MYH10: variants seen among roughly 807,000 people sequenced by gnomAD.
The protein encoded by MYH10 is myosin-10.
In MYH10, 55 loss-of-function variants were observed where a neutral mutation model predicts 257.8. The ratio of observed to expected loss-of-function variants is 0.21; its 90% CI spans 0.17 to 0.27. MYH10 has a LOEUF of 0.27. MYH10 is among the 10% of genes least tolerant of loss of function. MYH10 has a pLI of 1.00. For missense variants in MYH10, 1,631 were observed against 2,500.6 expected, an observed-to-expected ratio of 0.65 and a Z score of 7.42; for synonymous variants, 854 against 921.7, an observed-to-expected ratio of 0.93 and a Z score of 1.33.
intron 1 of MYH10, among the ~76,000 whole-genome samples, chr17:8,626,408 A>G (rs764691801): frequency 8.4e-4 from 128 of 152,100 alleles, no homozygotes; most frequent in Non-Finnish European, 1.5e-3. Context: ...TCTACAAAAA[A>G]TACAAAAAAT....
Position 8,490,620 on chromosome 17 carries a change from C to T in MYH10, c.4672-68G>A. ...GCACATATGAAGAACAGCAGTCTTA[C>T]TGTTTTACAGGCCCACTCGTGGCAT... On this transcript the variant is annotated intron_variant, in intron 34 of 42. Coordinates refer to ENST00000360416, the MANE Select transcript of MYH10 (RefSeq NM_001256012.3). The surrounding 1 kb of genome is among the most constrained non-coding windows in gnomAD (Gnocchi z 4.1). 1.3e-6 allele frequency: 2 copies of T among 1,526,772 alleles called. No individual in the cohort carries two copies. The highest frequency in any genetic ancestry group is 2.3e-5 in the South Asian group (2 of 88,698). The allele number at this position is 1,526,772 out of a possible 1,614,324, so 94.6% of individuals were successfully genotyped here. A position where few individuals can be genotyped will look rare whatever the true frequency, so the allele number is the denominator to read the frequency against.
chr17:8,577,106 G>C, intron 5 of MYH10, 130 bp downstream of exon 5: 1 of 616,272 alleles, frequency 1.6e-6, no homozygotes, highest in East Asian at 2.8e-5. Flanking sequence ...CTGGGTAGGT[G>C]GCGGGGAGCA....
At chr17:8,487,005 T>G (rs1302486740) in intron 36 of MYH10, among the ~76,000 whole-genome samples, 2 of 152,218 alleles carry the variant, frequency 1.3e-5, no homozygotes, top group Non-Finnish European at 2.9e-5. Flanking sequence ...CCTGCCTGCC[T>G]GCTCACACCA....
intron 7 of MYH10, among the ~76,000 whole-genome samples, chr17:8,564,937 G>A (rs574423700): frequency 6.6e-6 from 1 of 152,262 alleles, no homozygotes; most frequent in African/African-American, 2.4e-5. Context: ...AAGAAATGTG[G>A]ACAGATCTGA....
chr17:8,556,747 G>A (rs184305952), intron 7 of MYH10, among the ~76,000 whole-genome samples: 1 of 152,194 alleles, frequency 6.6e-6, no homozygotes, highest in East Asian at 1.9e-4. Flanking sequence ...CACTGAAAAA[G>A]GTGAATTTTA....
At position 8,492,803 on chromosome 17, in the gene MYH10, C is replaced by T. The variant is rs1304374206; in HGVS notation, c.4431G>A (p.Leu1477=). ...GGTCAAACTTCTTCTGCTTCTTCTC[C>T]AAGTTGGAGGCGACCTGGCGCTGGT... The part of the protein sequence containing the change: ...LDHQRQVASN[L]EKKQKKFDQL... Residue 1477 remains leucine (L), a synonymous_variant, in exon 33 of 43, where the codon TTG becomes TTA. Transcript: ENST00000360416. 3 of 1,613,768 alleles carry T rather than the reference C, an allele frequency of 1.9e-6. No individual in the cohort carries two copies. Among genetic ancestry groups the T allele is most frequent in the East Asian group, 2.2e-5 (1 of 44,892 alleles).
Position 8,554,597 on chromosome 17 carries a change from T to G in MYH10, c.757-579A>C, listed in dbSNP as rs143000235. 8.5e-3 allele frequency among the ~76,000 whole-genome samples: 1,290 copies of G among 152,158 alleles called. 21 individuals carry two copies. The highest frequency in any genetic ancestry group is 0.029 in the African/African-American group (1,183 of 41,492). On this transcript the variant is annotated intron_variant, in intron 7 of 42. Coordinates refer to ENST00000360416, the MANE Select transcript of MYH10 (RefSeq NM_001256012.3). ...AGGGAAAGAGGAAAATCGTGATTAT[T>G]TCATCATTCATTTTATAAAGTTGTC...
chr17:8,541,863 A>G (rs2082299132), intron 14 of MYH10, among the ~76,000 whole-genome samples: 1 of 152,210 alleles, frequency 6.6e-6, no homozygotes, highest in Admixed American at 6.5e-5. Context: ...CCCACTATCC[A>G]GTATTCCCAT....
At chr17:8,513,506 C>T in intron 23 of MYH10, 32 bp downstream of exon 23, 1 of 1,612,076 alleles carries the variant, frequency 6.2e-7, no homozygotes, top group Non-Finnish European at 8.5e-7. Flanking sequence ...GGATTCAGGG[C>T]CAAGTGTGAG....
At chr17:8,522,309 A>G (rs901414902) in intron 17 of MYH10, among the ~76,000 whole-genome samples, 2 of 152,222 alleles carry the variant, frequency 1.3e-5, no homozygotes, top group African/African-American at 4.8e-5. Flanking sequence ...TCAATTATCA[A>G]TTTCCAATGA....
rs1003409566 is a variant in MYH10, at chr17:8,569,345, T to C, written c.756+375A>G. Among the ~76,000 whole-genome samples, 2 of 152,212 alleles carry C rather than the reference T, an allele frequency of 1.3e-5. No homozygotes were observed. Among genetic ancestry groups the C allele is most frequent in the African/African-American group, 4.8e-5 (2 of 41,454 alleles). Reference sequence around the variant, plus strand: ...CACATCTAATGCGTTGAATGTTTACTATGCATAGTGCCGGGCTAAGTGCTC... The same window carrying C: ...CACATCTAATGCGTTGAATGTTTACCATGCATAGTGCCGGGCTAAGTGCTC... On this transcript the variant is annotated intron_variant, in intron 7 of 42. Coordinates refer to ENST00000360416, the MANE Select transcript of MYH10 (RefSeq NM_001256012.3). This position sits in a 1 kb window ranked among gnomAD's most constrained non-coding sequence, Gnocchi z 4.1.
chr17:8,494,331 T>C (rs1231037159), intron 31 of MYH10, among the ~76,000 whole-genome samples: 4 of 152,218 alleles, frequency 2.6e-5, no homozygotes, highest in African/African-American at 7.2e-5. Flanking sequence ...CAGATTGACT[T>C]CTAAAATGTA....
At chr17:8,551,809 T>A (rs912613638) in intron 9 of MYH10, among the ~76,000 whole-genome samples, 6 of 152,116 alleles carry the variant, frequency 3.9e-5, no homozygotes, top group Admixed American at 6.5e-5. Context: ...ATTTAAAAAA[T>A]TTTAAAAAAG....
At chr17:8,615,734 C>A (rs1418703063) in intron 2 of MYH10, among the ~76,000 whole-genome samples, 1 of 152,090 alleles carries the variant, frequency 6.6e-6, no homozygotes, top group Admixed American at 6.5e-5. Flanking sequence ...AATTAACATT[C>A]ATTAATTTTT....
intron 7 of MYH10, among the ~76,000 whole-genome samples, chr17:8,557,449 GGT>G (rs1157002705): frequency 6.6e-6 from 1 of 152,134 alleles, no homozygotes; most frequent in Non-Finnish European, 1.5e-5. Flanking sequence ...TTCTATCTCA[GGT>G]GTGTGTCAAG....
At chr17:8,549,903 C>T (rs946997890) in intron 9 of MYH10, among the ~76,000 whole-genome samples, 7 of 149,090 alleles carry the variant, frequency 4.7e-5, no homozygotes, top group African/African-American at 1.7e-4. Context: ...TTGGCCAGGC[C>T]GGTCTCCAGC....
intron 4 of MYH10, among the ~76,000 whole-genome samples, chr17:8,581,011 G>C (rs2083685274): frequency 6.6e-6 from 1 of 152,132 alleles, no homozygotes; most frequent in Non-Finnish European, 1.5e-5. Context: ...AAGAGCTGGG[G>C]AATGTGTTCA....
chr17:8,520,109 T>C (rs2081605269), intron 19 of MYH10, among the ~76,000 whole-genome samples: 1 of 152,182 alleles, frequency 6.6e-6, no homozygotes, highest in African/African-American at 2.4e-5. Flanking sequence ...TACCCCAACA[T>C]GTTTTTAGGA....
At chr17:8,539,198 T>C (rs2082226878) in intron 14 of MYH10, among the ~76,000 whole-genome samples, 1 of 152,218 alleles carries the variant, frequency 6.6e-6, no homozygotes, top group Non-Finnish European at 1.5e-5. Flanking sequence ...CTTTTCTTTA[T>C]AAATTACTCC....
Sources: allele counts gnomAD v4.1 joint callset (sites outside exome capture counted in the v4.1 genomes callset), GRCh38; gene constraint gnomAD v4.1.1; non-coding constraint Gnocchi (gnomAD v3.1); transcripts MANE v1.5; gene names NCBI Gene and HGNC (gene_info 2026-07-23, HGNC 2026-07-21).